Variants in CACNA1G observed in about 807,000 individuals in gnomAD.
CACNA1G encodes voltage-dependent T-type calcium channel subunit alpha-1G.
CACNA1G carries 67 observed loss-of-function variants against 219.4 expected under a neutral mutation model. The observed-to-expected ratio is 0.31, with a 90% CI of 0.25 to 0.37. The LOEUF is 0.37. CACNA1G is among the 10% of genes least tolerant of loss of function. The pLI is 1.00. For missense variants in CACNA1G, 2,380 were observed against 3,231.4 expected, an observed-to-expected ratio of 0.74 and a Z score of 6.39; for synonymous variants, 1,296 against 1,345.3, an observed-to-expected ratio of 0.96 and a Z score of 0.80.
chr17:50,570,576 T>TGTGTGTGTGTGTGTGTGTGTGTGTGC (rs1225656911), intron 4 of CACNA1G, among the ~76,000 whole-genome samples: 1 of 151,460 alleles, frequency 6.6e-6, no homozygotes, highest in African/African-American at 2.4e-5. Flanking sequence ...TGTGTGTGTG[T>TGTGTGTGTGTGTGTGTGTGTGTGTGC]GTGTGTGTGT....
chr17:50,561,473 A>T lies in CACNA1G; in HGVS notation c.14A>T (p.Glu5Val). The change falls in exon 1 of 38, where the codon GAG (glutamate) becomes GTG (valine). Residue 5 changes from glutamate (E) to valine (V), a missense_variant. Transcript: ENST00000359106. ...GCTGGCCAGAGGATGGACGAGGAGG[A>T]GGATGGAGCGGGCGCCGAGGAGTCG... MDEE[E>V]DGAGAEESGQ... The T allele has an allele frequency of 1.3e-6, 2 of 1,534,316 alleles. No individual in the cohort carries two copies. Among genetic ancestry groups the T allele is most frequent in the East Asian group, 2.5e-5 (1 of 40,810 alleles).
chr17:50,625,204 G>T (rs1047182135), intron 37 of CACNA1G, among the ~76,000 whole-genome samples: 2 of 152,146 alleles, frequency 1.3e-5, no homozygotes. Flanking sequence ...TGGCCGCCTC[G>T]GCCACCCAAA....
Position 50,617,995 on chromosome 17 carries a change from A to G in CACNA1G, c.5227-53A>G. 2 of 1,612,834 alleles carry G rather than the reference A, an allele frequency of 1.2e-6. No individual in the cohort carries two copies. The highest frequency in any genetic ancestry group is 8.5e-7 in the Non-Finnish European group (1 of 1,178,960). On this transcript the variant is annotated intron_variant, in intron 30 of 37. Transcript: ENST00000359106. This position sits in a 1 kb window ranked among gnomAD's most constrained non-coding sequence, Gnocchi z 5.8. ...TTTCCAGAGGGAAGGGGCTCAGAGA[A>G]GCTGACTGGGAGACCCAGCGGCATC...
intron 5 of CACNA1G, 81 bp from the exon 6 acceptor site, chr17:50,572,473 G>A (rs890234604): frequency 9.0e-6 from 11 of 1,227,828 alleles, no homozygotes; most frequent in East Asian, 5.1e-5. Context: ...TCGAGCACTC[G>A]TGCCATCTCT....
intron 16 of CACNA1G, among the ~76,000 whole-genome samples, chr17:50,599,083 G>A (rs1010801882): frequency 2.6e-5 from 4 of 152,108 alleles, no homozygotes; most frequent in African/African-American, 9.7e-5. Context: ...TTTTAGATTG[G>A]GTTGATTTTT....
intron 1 of CACNA1G, among the ~76,000 whole-genome samples, chr17:50,563,961 C>T (rs1040752647): frequency 5.3e-5 from 8 of 152,130 alleles, no homozygotes; most frequent in African/African-American, 1.7e-4. Flanking sequence ...CCACAGGCTT[C>T]AGGAGGGTCC....
In CACNA1G at chr17:50,618,865, C is replaced by T. The variant is rs772534427; in HGVS notation, c.5638C>T (p.Pro1880Ser). The T allele has an allele frequency of 1.2e-6, 2 of 1,613,018 alleles. No individual in the cohort carries two copies. Among genetic ancestry groups the T allele is most frequent in the East Asian group, 2.2e-5 (1 of 44,872 alleles). ...ELELEMKTLS[P>S]QPHSPLGSPF... is the part of the protein sequence containing the mutation. ...GGAGCTGGAGATGAAGACCCTCAGC[C>T]CCCAGCCCCACTCGCCACTGGGCAG... The change falls in exon 33 of 38, where the codon CCC (proline) becomes TCC (serine). Residue 1880 changes from proline to serine, a missense_variant. By Grantham distance (74) the Pro-to-Ser change is moderately conservative (BLOSUM62 -1). Transcript: ENST00000359106. The surrounding 1 kb of genome is among the most constrained non-coding windows in gnomAD (Gnocchi z 5.3).
At chr17:50,576,374 G>T in intron 8 of CACNA1G, 48 bp downstream of exon 8, 1 of 1,531,518 alleles carries the variant, frequency 6.5e-7, no homozygotes, top group Non-Finnish European at 8.9e-7. Context: ...CTGGGGACTG[G>T]GTGGCGTCCC....
rs776132057 is a variant in CACNA1G, at chr17:50,603,102, G to A, written c.4072G>A (p.Val1358Ile). The change falls in exon 21 of 38, where the codon GTC (valine) becomes ATC (isoleucine). Residue 1358 changes from valine (V) to isoleucine (I), a missense_variant. Transcript: ENST00000359106. This position sits in a 1 kb window ranked among gnomAD's most constrained non-coding sequence, Gnocchi z 6.4. ...GGACGGGCTGTTGGTGCTCATCTCC[G>A]TCATCGACATTCTGGTGTCCATGGT... ...VLDGLLVLIS[V>I]IDILVSMVSD... The A allele has an allele frequency of 2.4e-5, 39 of 1,613,352 alleles. No individual in the cohort carries two copies. The highest frequency in any genetic ancestry group is 1.7e-4 in the Middle Eastern group (1 of 6,056).
chr17:50,622,469 GAGGC>G (rs1408572606), intron 35 of CACNA1G, among the ~76,000 whole-genome samples: 1 of 151,990 alleles, frequency 6.6e-6, no homozygotes, highest in Non-Finnish European at 1.5e-5. Flanking sequence ...GGGCCCAGCT[GAGGC>G]AGGGACTGGA....
In CACNA1G at chr17:50,606,298, T is replaced by C. The variant is rs765983722; in HGVS notation, c.4422+275T>C. The stretch of plus-strand genomic sequence containing the variant: ...GCTTGCCCAGGGCCACAGAGCTACA[T>C]GGTGGAGCAGGAAGCACACGTGGCA... On this transcript the variant is annotated intron_variant, in intron 23 of 37. Transcript: ENST00000359106. 8 of 692,108 alleles carry C rather than the reference T, an allele frequency of 1.2e-5. No individual in the cohort carries two copies. The East Asian group carries it at 1.9e-4, about 16-fold the overall frequency. 42.9% of individuals were successfully genotyped at this position (692,108 alleles called of 1,614,324 possible).
intron 1 of CACNA1G, among the ~76,000 whole-genome samples, chr17:50,566,911 C>A (rs1412052071): frequency 6.6e-6 from 1 of 152,220 alleles, no homozygotes; most frequent in Non-Finnish European, 1.5e-5. Context: ...AAGCAGATGT[C>A]CTGGGAGCCC....
At chr17:50,580,421 C>T (rs1181664397) in intron 9 of CACNA1G, among the ~76,000 whole-genome samples, 1 of 152,178 alleles carries the variant, frequency 6.6e-6, no homozygotes, top group Admixed American at 6.5e-5. Context: ...CCCCAGTGCC[C>T]CCTCCCTACC....
chr17:50,567,644 G>A (rs2038266176), intron 1 of CACNA1G, among the ~76,000 whole-genome samples: 1 of 152,180 alleles, frequency 6.6e-6, no homozygotes, highest in South Asian at 2.1e-4. Context: ...CATTCCCCAG[G>A]GGGTCTCTGG....
chr17:50,561,986 C>G, intron 1 of CACNA1G: 1 of 373,340 alleles, frequency 2.7e-6, no homozygotes, highest in South Asian at 4.0e-5. Context: ...AGCTGTGCCC[C>G]GCTGGCTCGC....
At chr17:50,586,349 C>T (rs1205178736) in intron 9 of CACNA1G, among the ~76,000 whole-genome samples, 2 of 152,186 alleles carry the variant, frequency 1.3e-5, no homozygotes, top group Non-Finnish European at 2.9e-5. Context: ...CCACCAGCCC[C>T]TCTCACCCTC....
intron 9 of CACNA1G, among the ~76,000 whole-genome samples, chr17:50,583,159 T>C (rs1342112880): frequency 6.6e-6 from 1 of 152,068 alleles, no homozygotes; most frequent in Non-Finnish European, 1.5e-5. Flanking sequence ...GATGGACACC[T>C]CCCACCCCAG....
In CACNA1G at chr17:50,599,467, G is replaced by A; in HGVS notation, c.3298G>A (p.Ala1100Thr). 6.3e-7 allele frequency: 1 copy of A among 1,577,964 alleles called. No individual in the cohort carries two copies. The highest frequency in any genetic ancestry group is 1.2e-5 in the South Asian group (1 of 86,376). The part of the protein sequence containing the change: ...RSSPHSPWSA[A>T]SSWTSRRSSR... ...CTCTCCGCACAGCCCCTGGAGCGCTGCAAGCAGCTGGACCAGCAGGCGCTC... is the reference window on the plus strand; with the variant it reads ...CTCTCCGCACAGCCCCTGGAGCGCTACAAGCAGCTGGACCAGCAGGCGCTC... Residue 1100 changes from alanine (A) to threonine (T), a missense_variant, in exon 17 of 38, where the codon GCA becomes ACA. Physicochemically the swap from Ala to Thr is moderately conservative, Grantham distance 58. Around this residue, in one of 17 missense-constraint regions of CACNA1G, gnomAD observed 418 missense variants for 434.3 expected, o/e 0.96. Coordinates refer to ENST00000359106, the MANE Select transcript of CACNA1G (RefSeq NM_018896.5).
At chr17:50,598,241 C>G (rs2045956478) in intron 16 of CACNA1G, among the ~76,000 whole-genome samples, 1 of 152,224 alleles carries the variant, frequency 6.6e-6, no homozygotes, top group African/African-American at 2.4e-5. Flanking sequence ...GTTGGCCAGG[C>G]TGGTCTCAAA....
Sources: gnomAD v4.1 joint callset for allele counts (sites outside exome capture counted in the v4.1 genomes callset) on GRCh38, gnomAD v4.1.1 for gene constraint, gnomAD v4.1.1 regional missense constraint, Gnocchi (gnomAD v3.1) non-coding constraint, MANE v1.5 for transcripts, NCBI Gene and HGNC (gene_info 2026-07-23, HGNC 2026-07-21) for gene names.